The following RBBP8 variants were observed in gnomAD, a reference collection of about 807,000 sequenced individuals.
RBBP8 encodes RB binding protein 8, endonuclease.
In RBBP8, 88 loss-of-function variants were observed where a neutral mutation model predicts 108.3. That is an observed-to-expected ratio of 0.81 (90% CI 0.68 to 0.97). RBBP8 has a LOEUF of 0.97. RBBP8 is among the 50% of genes least tolerant of loss of function. RBBP8 has a pLI of 0.00. For missense variants in RBBP8, 1,023 were observed against 1,049.0 expected (o/e 0.98, Z 0.34); for synonymous variants, 332 against 348.2 (o/e 0.95, Z 0.52).
At chr18:22,994,302 C>T (rs1178510198) in intron 12 of RBBP8, among the ~76,000 whole-genome samples, 7 of 145,654 alleles carry the variant, frequency 4.8e-5, no homozygotes, top group African/African-American at 2.5e-5. Flanking sequence ...GGATTACAGG[C>T]GTGAGTCACT....
chr18:22,981,408 T>C (rs1914923475), intron 6 of RBBP8, among the ~76,000 whole-genome samples: 1 of 152,136 alleles, frequency 6.6e-6, no homozygotes, highest in East Asian at 1.9e-4. Flanking sequence ...TAACAATGTG[T>C]TATTGTTAGG....
chr18:22,995,318 T>C (rs1429802779), intron 12 of RBBP8, among the ~76,000 whole-genome samples: 1 of 152,208 alleles, frequency 6.6e-6, no homozygotes. Context: ...TACAATCTAC[T>C]TGGAGTTAAT....
intron 3 of RBBP8, among the ~76,000 whole-genome samples, chr18:22,919,110 A>G (rs1257854070): frequency 1.3e-5 from 2 of 152,224 alleles, no homozygotes; most frequent in African/African-American, 4.8e-5. Flanking sequence ...GATAATATTA[A>G]ATTAGTCTTA....
At chr18:23,010,398 T>C in intron 16 of RBBP8, among the ~76,000 whole-genome samples, 1 of 152,158 alleles carries the variant, frequency 6.6e-6, no homozygotes, top group African/African-American at 2.4e-5. Flanking sequence ...GCCCAGGAGT[T>C]TGAGACCAGC....
chr18:22,920,580 T>G lies in RBBP8; in HGVS notation c.-154+3554T>G, dbSNP rs1474604468. 2.6e-5 allele frequency among the ~76,000 whole-genome samples: 4 copies of G among 152,264 alleles called. No homozygotes were observed. In the East Asian group the frequency reaches 7.7e-4, roughly 29 times the overall value. ...TATCTACAATGATTCAGATTAGGAG[T>G]GAGAAACACTTCCTTCCAACATGAA... is the stretch of plus-strand genomic sequence containing the variant. On this transcript the variant is annotated intron_variant, in intron 3 of 4. Coordinates refer to the RBBP8 transcript ENST00000577588.
intron 18 of RBBP8, among the ~76,000 whole-genome samples, chr18:23,022,651 T>TAAAATAAAATAAAATAAAATAAATAAA (rs370599195): frequency 3.0e-4 from 25 of 84,322 alleles, no homozygotes; most frequent in East Asian, 5.6e-4. Context: ...TAAAATACAA[T>TAAAATAAAATAAAATAAAATAAATAAA]ATAAAATAAA....
chr18:22,946,398 T>TA (rs773516867), intron 2 of RBBP8, 46 bp from the exon 3 acceptor site: 1 of 1,605,588 alleles, frequency 6.2e-7, no homozygotes, highest in Admixed American at 1.7e-5. Context: ...ATTTGACTCA[T>TA]AAAGGAACTG....
chr18:22,992,142 T>C (rs1373383259), intron 10 of RBBP8, among the ~76,000 whole-genome samples: 1 of 152,208 alleles, frequency 6.6e-6, no homozygotes. Flanking sequence ...GAATTTTGTT[T>C]CTTGGAGTTA....
intron 4 of RBBP8, among the ~76,000 whole-genome samples, chr18:22,953,805 G>C (rs1912247713): frequency 6.6e-6 from 1 of 151,902 alleles, no homozygotes; most frequent in African/African-American, 2.4e-5. Context: ...GCCTGAGATT[G>C]GGTAGTTTAT....
intron 5 of RBBP8, among the ~76,000 whole-genome samples, chr18:22,972,657 G>A (rs1279312762): frequency 1.3e-5 from 2 of 151,948 alleles, no homozygotes; most frequent in Non-Finnish European, 2.9e-5. Flanking sequence ...CGGTTGATCC[G>A]CTTTGCATTT....
chr18:22,924,315 G>C (rs1259428822), intron 3 of RBBP8, among the ~76,000 whole-genome samples: 1 of 151,930 alleles, frequency 6.6e-6, no homozygotes, highest in East Asian at 1.9e-4. Context: ...TTTTAGTAGA[G>C]ATGGGGTTTC....
Position 22,992,779 on chromosome 18 carries a change from CAAG to C in RBBP8, c.958_960del (p.Glu320del), listed in dbSNP as rs1915784652. 1 of 1,598,932 alleles carries C rather than the reference CAAG, an allele frequency of 6.3e-7. No individual in the cohort carries two copies. The highest frequency in any genetic ancestry group is 8.6e-7 in the Non-Finnish European group (1 of 1,166,512). ...AGATTCTACTTCAAAGACTCCTCCT[CAAG>C]AAGAATTACCTACTCGAGTGTCATC... On this transcript the variant is annotated inframe_deletion, in exon 11 of 19. Transcript: ENST00000327155.
chr18:22,993,358 A>C lies in RBBP8; in HGVS notation c.1531A>C (p.Thr511Pro). The C allele has an allele frequency of 1.2e-6, 2 of 1,614,234 alleles. No homozygotes were observed. Among genetic ancestry groups the C allele is most frequent in the Non-Finnish European group, 1.7e-6 (2 of 1,180,044 alleles). Residue 511 changes from threonine to proline, a missense_variant, in exon 11 of 19, where the codon ACT (threonine) becomes CCT (proline). Physicochemically the swap from Thr to Pro is conservative, Grantham distance 38 (BLOSUM62 -1). Coordinates refer to ENST00000327155, the MANE Select transcript of RBBP8 (RefSeq NM_002894.3). Reference protein sequence around the residue: ...QRQEKSQGSETSKNKFRQVTL... With the variant: ...QRQEKSQGSEPSKNKFRQVTL... ...TCAAGAGAAAAGCCAAGGAAGTGAG[A>C]CTTCTAAAAACAAATTTAGGCAAGT... is the stretch of plus-strand genomic sequence containing the variant.
At chr18:22,919,428 G>A (rs1177958021) in intron 3 of RBBP8, among the ~76,000 whole-genome samples, 1 of 152,210 alleles carries the variant, frequency 6.6e-6, no homozygotes, top group African/African-American at 2.4e-5. Flanking sequence ...TTCTGCTGAT[G>A]CTATAATTTC....
intron 4 of RBBP8, among the ~76,000 whole-genome samples, chr18:22,955,473 G>A (rs1567957984): frequency 1.3e-5 from 2 of 152,028 alleles, no homozygotes; most frequent in East Asian, 1.9e-4. Context: ...TTCTATTAAC[G>A]CTACAGGATA....
intron 2 of RBBP8, 109 bp downstream of exon 2, chr18:22,937,069 T>TC (rs1284786653): frequency 2.0e-6 from 3 of 1,533,096 alleles, no homozygotes; most frequent in Non-Finnish European, 2.6e-6. Flanking sequence ...GCTTTTAGGT[T>TC]CCGGGGGTAC....
Position 22,933,493 on chromosome 18 carries a change from C to A in RBBP8, c.-170C>A, listed in dbSNP as rs944396136. On this transcript the variant is annotated 5_prime_UTR_variant, in exon 1 of 19. Coordinates refer to ENST00000327155, the MANE Select transcript of RBBP8 (RefSeq NM_002894.3). ...GCGAAAGAGAAAAGCGAGCAGCCGT[C>A]CTTTCACAGCCTCAGAAAGTGCTCG... The A allele has an allele frequency of 6.5e-6, 1 of 154,304 alleles. No individual in the cohort carries two copies. Among genetic ancestry groups the A allele is most frequent in the African/African-American group, 2.4e-5 (1 of 41,510 alleles). The allele number at this position is 154,304 out of a possible 1,614,324, so 9.6% of individuals were successfully genotyped here. A position where few individuals can be genotyped will look rare whatever the true frequency, so the allele number is the denominator to read the frequency against.
At chr18:22,929,635 G>T (rs190203950), upstream of RBBP8, among the ~76,000 whole-genome samples, 3 of 151,964 alleles carry the variant, frequency 2.0e-5, no homozygotes, top group Non-Finnish European at 4.4e-5. Context: ...CCTCCCGCGG[G>T]CCTCCCACAG....
intron 3 of RBBP8, among the ~76,000 whole-genome samples, chr18:22,924,158 C>G: frequency 9.4e-6 from 1 of 106,810 alleles, no homozygotes; most frequent in Non-Finnish European, 1.8e-5. Context: ...GAGACGGAGT[C>G]TCACTCTGTC....
Sources: allele counts gnomAD v4.1 joint callset (sites outside exome capture counted in the v4.1 genomes callset), GRCh38; gene constraint gnomAD v4.1.1; transcripts MANE v1.5; gene names NCBI Gene and HGNC (gene_info 2026-07-23, HGNC 2026-07-21).